Variants in RBM6 observed in about 807,000 individuals in gnomAD.
RBM6 encodes the protein RNA binding motif protein 6.
RBM6 carries 23 observed loss-of-function variants against 140.4 expected under a neutral mutation model. The observed-to-expected ratio is 0.16, with a 90% confidence interval of 0.12 to 0.23. The LOEUF is 0.23. Among genes scored for constraint, RBM6 ranks in the 10% least tolerant of loss-of-function variants. The pLI, the probability that RBM6 is intolerant of heterozygous loss-of-function variation, is 1.00. For missense variants in RBM6, 1,139 were observed against 1,386.7 expected, an observed-to-expected ratio of 0.82 and a Z score of 2.84; for synonymous variants, 439 against 475.6, an observed-to-expected ratio of 0.92 and a Z score of 1.00.
At chr3:50,001,118 C>T (rs2086307756) in intron 6 of RBM6, among the ~76,000 whole-genome samples, 1 of 152,086 alleles carries the variant, frequency 6.6e-6, no homozygotes, top group Admixed American at 6.6e-5. Context: ...TAGATTCAAC[C>T]AAATGCTGAT....
chr3:50,006,387 C>T (rs962451574), intron 6 of RBM6, among the ~76,000 whole-genome samples: 39 of 152,110 alleles, frequency 2.6e-4, no homozygotes, highest in African/African-American at 8.7e-4. Flanking sequence ...CCGCCCGCCT[C>T]GGCCTCCCAG....
At chr3:50,035,006 C>CCTCTT (rs2088435045) in intron 6 of RBM6, among the ~76,000 whole-genome samples, 1 of 147,386 alleles carries the variant, frequency 6.8e-6, no homozygotes, top group African/African-American at 2.5e-5. Flanking sequence ...CCTCTCCTCT[C>CCTCTT]CTCTCCTCTC....
intron 6 of RBM6, among the ~76,000 whole-genome samples, chr3:50,006,586 A>G (rs150512410): frequency 3.9e-4 from 59 of 152,108 alleles, no homozygotes; most frequent in African/African-American, 1.4e-3. Flanking sequence ...GTTTTAACGT[A>G]CTCTCACACA....
In RBM6 at chr3:49,987,838, C is replaced by T. The variant is rs377061593; in HGVS notation, c.1484-11602C>T. Among the ~76,000 whole-genome samples the T allele has an allele frequency of 6.6e-5, 10 of 152,084 alleles. No homozygotes were observed. The South Asian group carries it at 8.3e-4, about 13-fold the overall frequency. ...ATTTTTTGTAGAGATGGGGTTTTGC[C>T]GTGTAGGCCAGGCTGGTCTAGAACT... On this transcript the variant is annotated intron_variant, in intron 5 of 20. Coordinates refer to ENST00000266022, the MANE Select transcript of RBM6 (RefSeq NM_005777.3).
At chr3:49,995,413 G>T (rs1274091741) in intron 5 of RBM6, among the ~76,000 whole-genome samples, 1 of 152,052 alleles carries the variant, frequency 6.6e-6, no homozygotes, top group African/African-American at 2.4e-5. Context: ...AAAATTAGCC[G>T]GGCGTGGTAG....
At chr3:50,061,362 T>C in intron 13 of RBM6, 100 bp from the exon 14 acceptor site, 1 of 1,579,990 alleles carries the variant, frequency 6.3e-7, no homozygotes, top group Non-Finnish European at 8.6e-7. Context: ...TAGATGCACC[T>C]ATTTGTGTTG....
chr3:49,957,491 C>T (rs1206923149), intron 1 of RBM6, among the ~76,000 whole-genome samples: 1 of 151,944 alleles, frequency 6.6e-6, no homozygotes, highest in Non-Finnish European at 1.5e-5. Context: ...CATAAGCAGG[C>T]AACCTTATTT....
At chr3:50,019,099 G>A (rs962918034) in intron 6 of RBM6, among the ~76,000 whole-genome samples, 1 of 151,336 alleles carries the variant, frequency 6.6e-6, no homozygotes, top group Non-Finnish European at 1.5e-5. Context: ...ACAGTTGGAC[G>A]ATCTCAGCTC....
At chr3:50,029,593 C>T (rs1050845687) in intron 6 of RBM6, among the ~76,000 whole-genome samples, 12 of 151,920 alleles carry the variant, frequency 7.9e-5, no homozygotes, top group African/African-American at 2.4e-4. Flanking sequence ...ATTAGCTGGG[C>T]GTGGTGGCGT....
intron 4 of RBM6, among the ~76,000 whole-genome samples, chr3:49,974,476 A>G (rs2084966691): frequency 1.4e-5 from 2 of 146,832 alleles, no homozygotes; most frequent in South Asian, 2.2e-4. Context: ...GGTTCACGCC[A>G]TTCTTCTGCC....
At chr3:50,011,381 G>C (rs1173916794) in intron 6 of RBM6, among the ~76,000 whole-genome samples, 1 of 152,188 alleles carries the variant, frequency 6.6e-6, no homozygotes, top group South Asian at 2.1e-4. Flanking sequence ...CGGACTTTCT[G>C]CTTTGAGTTA....
At position 50,062,113 on chromosome 3, in the gene RBM6, G is replaced by T; in HGVS notation, c.2586+5G>T. The T allele has an allele frequency of 1.2e-6, 2 of 1,610,708 alleles. No individual in the cohort carries two copies. Among genetic ancestry groups the T allele is most frequent in the South Asian group, 2.2e-5 (2 of 90,312 alleles). ...AAAGACAGAGGAGTGACGAGGGTAA[G>T]AGGAATTGTTAATTTGCTGTCTTTT... On this transcript the variant is annotated splice_donor_5th_base_variant and intron_variant, in intron 15 of 20. Coordinates refer to ENST00000266022, the MANE Select transcript of RBM6 (RefSeq NM_005777.3).
At chr3:50,026,304 A>G (rs1259902408) in intron 6 of RBM6, among the ~76,000 whole-genome samples, 2 of 151,328 alleles carry the variant, frequency 1.3e-5, no homozygotes, top group African/African-American at 4.9e-5. Context: ...GCTGGTCTCA[A>G]ACCCCTGACC....
chr3:49,984,601 A>ATCGCATCGCATCGCATCGCATCG (rs1559552631), intron 5 of RBM6, among the ~76,000 whole-genome samples: 5 of 91,636 alleles, frequency 5.5e-5, no homozygotes, highest in African/African-American at 2.9e-4. Context: ...ACATCACATC[A>ATCGCATCGCATCGCATCGCATCG]CATCACATCA....
rs755178177 is a variant in RBM6 at position 50,066,344 on chromosome 3, C to T, written c.2785C>T (p.Arg929Cys). ...GGAACAGACCCCTCCCCCACAGCCC[C>T]GCACAGCACAGCCCCAGAAGCGAGA... is the stretch of plus-strand genomic sequence containing the variant. ...EEEQTPPPQP[R>C]TAQPQKREEQ... Residue 929 changes from arginine to cysteine, a missense_variant, in exon 17 of 21, where the codon CGC becomes TGC. Transcript: ENST00000266022. The T allele has an allele frequency of 8.1e-6, 13 of 1,613,950 alleles. No individual in the cohort carries two copies. The highest frequency in any genetic ancestry group is 1.6e-4 in the Middle Eastern group (1 of 6,084).
intron 13 of RBM6, 83 bp downstream of exon 13, chr3:50,061,304 G>A (rs913044820): frequency 1.2e-5 from 19 of 1,604,092 alleles, no homozygotes; most frequent in Non-Finnish European, 1.4e-5. Context: ...ATCACAGTTG[G>A]CAAGATACAC....
chr3:49,974,453 G>A (rs890488310), intron 4 of RBM6, among the ~76,000 whole-genome samples: 2 of 148,218 alleles, frequency 1.3e-5, no homozygotes, highest in African/African-American at 5.0e-5. Flanking sequence ...CTCACTGCAA[G>A]CTCCTTCTCC....
intron 6 of RBM6, among the ~76,000 whole-genome samples, chr3:50,038,106 G>A (rs1293566989): frequency 6.6e-6 from 1 of 152,118 alleles, no homozygotes; most frequent in African/African-American, 2.4e-5. Context: ...ACAGGTGTGA[G>A]CCACCGCTGC....
chr3:50,056,529 C>T (rs981476590), intron 8 of RBM6, among the ~76,000 whole-genome samples: 1 of 152,102 alleles, frequency 6.6e-6, no homozygotes, highest in Non-Finnish European at 1.5e-5. Context: ...CTCCTGACCT[C>T]GTGATCTGCC....
Sources: allele counts gnomAD v4.1 joint callset (sites outside exome capture counted in the v4.1 genomes callset), GRCh38; gene constraint gnomAD v4.1.1; transcripts MANE v1.5; gene names NCBI Gene and HGNC (gene_info 2026-07-23, HGNC 2026-07-21).